WDR45B: variants seen among roughly 807,000 people sequenced by gnomAD.
The protein encoded by WDR45B is WD repeat domain phosphoinositide-interacting protein 3.
A neutral mutation model predicts 44.6 loss-of-function variants in WDR45B; 20 were observed. The ratio of observed to expected loss-of-function variants is 0.45; its 90% CI spans 0.32 to 0.65. WDR45B has a LOEUF of 0.65. Ranked by LOEUF, WDR45B falls within the 30% of genes least tolerant of loss-of-function variation. The pLI is 0.05. For synonymous variants in WDR45B, 169 were observed against 164.9 expected (o/e 1.02, Z -0.19); for missense variants, 323 against 430.2 (o/e 0.75, Z 2.20).
Position 82,621,856 on chromosome 17 carries a change from G to C in WDR45B, c.428-57C>G, listed in dbSNP as rs897796503. On this transcript the variant is annotated intron_variant, in intron 5 of 9. Transcript: ENST00000392325. ...CTGCCTTTGATTTCTCACAGCCAAAGTCCACTTTCTGCCCCCAAAGTTCTC... is the reference window on the plus strand; with the variant it reads ...CTGCCTTTGATTTCTCACAGCCAAACTCCACTTTCTGCCCCCAAAGTTCTC... 5.6e-6 allele frequency: 9 copies of C among 1,593,482 alleles called. No homozygotes were observed. In the African/African-American group the frequency reaches 1.2e-4, roughly 21 times the overall value.
chr17:82,615,853 C>A lies in WDR45B; in HGVS notation c.*66G>T, dbSNP rs575987190. 1.0e-3 allele frequency: 1,563 copies of A among 1,496,792 alleles called. 12 individuals are homozygous for A. Among genetic ancestry groups the A allele is most frequent in the Middle Eastern group, 6.7e-4 (3 of 4,488 alleles). The allele number at this position is 1,496,792 out of a possible 1,614,324, so 92.7% of individuals were successfully genotyped here. On this transcript the variant is annotated 3_prime_UTR_variant, in exon 10 of 10. Transcript: ENST00000392325. ...CCCGTGGCCCAGGAGGCCCCTGGGG[C>A]ACTGGCACCAGCCCCGAGAGTCTGA...
chr17:82,615,518 C>T lies in WDR45B; in HGVS notation c.*401G>A, dbSNP rs1269161634. ...ACATCTGCACACTTGTTCACTCCCC[C>T]GCTGCAGACTCAGTAAGAACGACGG... On this transcript the variant is annotated 3_prime_UTR_variant, in exon 10 of 10. Transcript: ENST00000392325. 5.1e-5 allele frequency: 15 copies of T among 294,388 alleles called. No individual in the cohort carries two copies. The highest frequency in any genetic ancestry group is 1.3e-4 in the African/African-American group (6 of 46,292). 18.2% of individuals were successfully genotyped at this position (294,388 alleles called of 1,614,324 possible). A position where few individuals can be genotyped will look rare whatever the true frequency, so the allele number is the denominator to read the frequency against.
intron 3 of WDR45B, among the ~76,000 whole-genome samples, chr17:82,630,473 G>GCCA (rs2045753098): frequency 6.6e-6 from 1 of 152,042 alleles, no homozygotes; most frequent in Non-Finnish European, 1.5e-5. Flanking sequence ...GAGCTCTTAC[G>GCCA]CCACATCATC....
intron 2 of WDR45B, among the ~76,000 whole-genome samples, chr17:82,635,092 T>A (rs2045816133): frequency 6.6e-6 from 1 of 152,032 alleles, no homozygotes; most frequent in South Asian, 2.1e-4. Flanking sequence ...AACAACAATG[T>A]GAATATATTC....
At position 82,621,765 on chromosome 17, in the gene WDR45B, G is replaced by T; in HGVS notation, c.462C>A (p.Ser154=). The change falls in exon 6 of 10, where the codon TCC becomes TCA. Residue 154 remains serine, a synonymous_variant. Transcript: ENST00000392325. ...LCVLCPNSNN[S]LLAFPGTHTG... is the part of the protein sequence containing the mutation. ...TGTGCGTGCCCGGAAAGGCCAGGAG[G>T]GAGTTGTTACTATTGGGACAAAGGA... 6.2e-7 allele frequency: 1 copy of T among 1,614,164 alleles called. No homozygotes were observed. Among genetic ancestry groups the T allele is most frequent in the Non-Finnish European group, 8.5e-7 (1 of 1,180,042 alleles).
At position 82,614,982 on chromosome 17, in the gene WDR45B, G is replaced by C. The variant is rs918091845; in HGVS notation, c.*937C>G. 1 of 152,086 alleles carries C rather than the reference G, an allele frequency of 6.6e-6. No homozygotes were observed. Among genetic ancestry groups the C allele is most frequent in the Admixed American group, 6.6e-5 (1 of 15,266 alleles). 9.4% of individuals were successfully genotyped at this position (152,086 alleles called of 1,614,324 possible). On this transcript the variant is annotated 3_prime_UTR_variant, in exon 10 of 10. Transcript: ENST00000392325. ...GGGGAGACGGTGGACCTGGGGGCTC[G>C]GAGGCCAGACCAGGGCATTTCCCTC...
intron 5 of WDR45B, among the ~76,000 whole-genome samples, chr17:82,623,702 TAAA>T (rs34801109): frequency 7.6e-6 from 1 of 131,546 alleles, no homozygotes; most frequent in Non-Finnish European, 1.6e-5. Context: ...CATCTCATAT[TAAA>T]AAAAAAAAAA....
At chr17:82,626,533 CAAAA>C (rs562186058) in intron 4 of WDR45B, among the ~76,000 whole-genome samples, 4 of 79,458 alleles carry the variant, frequency 5.0e-5, no homozygotes, top group African/African-American at 1.5e-4. Context: ...CTCTATCTCC[CAAAA>C]AAAAAAAAAA....
chr17:82,647,156 G>A (rs1406407275), intron 1 of WDR45B, among the ~76,000 whole-genome samples: 1 of 152,212 alleles, frequency 6.6e-6, no homozygotes, highest in Non-Finnish European at 1.5e-5. Context: ...GTGAACCCGG[G>A]AGGAGGAGGT....
intron 3 of WDR45B, among the ~76,000 whole-genome samples, chr17:82,627,735 G>A (rs572581362): frequency 6.6e-6 from 1 of 152,204 alleles, no homozygotes; most frequent in African/African-American, 2.4e-5. Flanking sequence ...CACTGGCCTC[G>A]CACACAGGCG....
chr17:82,641,396 A>T (rs1448943983), intron 2 of WDR45B, among the ~76,000 whole-genome samples: 1 of 152,246 alleles, frequency 6.6e-6, no homozygotes, highest in Non-Finnish European at 1.5e-5. Flanking sequence ...TTCCTGGCTC[A>T]TAACTCCCAG....
rs2045510423 is a variant in WDR45B at position 82,614,939 on chromosome 17, T to G, written c.*980A>C. 6.6e-6 allele frequency: 1 copy of G among 152,166 alleles called. No homozygotes were observed. The highest frequency in any genetic ancestry group is 6.5e-5 in the Admixed American group (1 of 15,270). 9.4% of individuals were successfully genotyped at this position (152,166 alleles called of 1,614,324 possible). A position where few individuals can be genotyped will look rare whatever the true frequency, so the allele number is the denominator to read the frequency against. ...TTCCCAAAATGTTAGTGTGTAGCTA[T>G]TCTTACAAATGAGGGGAGGGGAGAC... On this transcript the variant is annotated 3_prime_UTR_variant, in exon 10 of 10. Coordinates refer to ENST00000392325, the MANE Select transcript of WDR45B (RefSeq NM_019613.4).
At chr17:82,640,861 C>G (rs112669961) in intron 2 of WDR45B, among the ~76,000 whole-genome samples, 6 of 152,126 alleles carry the variant, frequency 3.9e-5, no homozygotes, top group African/African-American at 7.2e-5. Flanking sequence ...GCCCCAGACA[C>G]AGCCGAGCTG....
intron 3 of WDR45B, chr17:82,629,479 G>C (rs915532397): frequency 7.4e-5 from 73 of 984,750 alleles, no homozygotes; most frequent in Non-Finnish European, 8.2e-5. Context: ...TGCCCCTCTG[G>C]GCTATGCTAG....
chr17:82,632,397 T>TCTCA (rs1330125056), intron 2 of WDR45B, among the ~76,000 whole-genome samples: 9 of 152,072 alleles, frequency 5.9e-5, no homozygotes, highest in African/African-American at 2.2e-4. Context: ...GAACTCCTGG[T>TCTCA]CTCAAACAAT....
rs530887131 is a variant in WDR45B at position 82,625,380 on chromosome 17, A to G, written c.427+9T>C. On this transcript the variant is annotated intron_variant, in intron 5 of 9. Transcript: ENST00000392325. ...TTTCCCATCGCCACCCGTCTGCTCA[A>G]TCTCTCACCTTTGGGGTTATAGCAG... The G allele has an allele frequency of 2.5e-6, 4 of 1,613,960 alleles. No individual in the cohort carries two copies. In the African/African-American group the frequency reaches 5.3e-5, roughly 22 times the overall value.
intron 2 of WDR45B, among the ~76,000 whole-genome samples, chr17:82,632,301 A>G (rs1410865006): frequency 6.6e-6 from 1 of 151,822 alleles, no homozygotes; most frequent in East Asian, 1.9e-4. Context: ...AGCTGGGACT[A>G]CAGGCACACA....
intron 2 of WDR45B, among the ~76,000 whole-genome samples, chr17:82,631,362 C>T (rs2045765171): frequency 7.1e-6 from 1 of 141,494 alleles, no homozygotes; most frequent in Non-Finnish European, 1.5e-5. Context: ...CGGCTTACTG[C>T]AACCTCCACC....
Position 82,630,940 on chromosome 17 carries a change from C to T in WDR45B, c.225G>A (p.Pro75=), listed in dbSNP as rs775344725. 1.7e-5 allele frequency: 28 copies of T among 1,612,372 alleles called. No homozygotes were observed. Among genetic ancestry groups the T allele is most frequent in the African/African-American group, 2.7e-5 (2 of 74,828 alleles). The change falls in exon 3 of 10, where the codon CCG becomes CCA. Residue 75 remains proline (P), a synonymous_variant. Coordinates refer to ENST00000392325, the MANE Select transcript of WDR45B (RefSeq NM_019613.4). ...YLALVGGGKK[P]KYPPNKVMIW... ...CAGTACCTTTGTTGGGAGGGTATTT[C>T]GGCTTTTTTCCACCACCAACTAAAG...
Sources: gnomAD v4.1 joint callset for allele counts (sites outside exome capture counted in the v4.1 genomes callset) on GRCh38, gnomAD v4.1.1 for gene constraint, MANE v1.5 for transcripts, NCBI Gene and HGNC (gene_info 2026-07-23, HGNC 2026-07-21) for gene names.